The following UBE2G1 variants were observed in gnomAD, a reference collection of about 807,000 sequenced individuals.
UBE2G1 encodes the protein ubiquitin conjugating enzyme E2 G1.
In UBE2G1, 5 loss-of-function variants were observed where a neutral mutation model predicts 22.7. The observed-to-expected ratio is 0.22, with a 90% CI of 0.12 to 0.46. The LOEUF is 0.46. UBE2G1 is among the 20% of genes least tolerant of loss of function. UBE2G1 has a pLI of 0.99. For synonymous variants in UBE2G1, 74 were observed against 67.5 expected, an observed-to-expected ratio of 1.10 and a Z score of -0.47; for missense variants, 88 against 203.9, an observed-to-expected ratio of 0.43 and a Z score of 3.46.
At chr17:4,329,162 G>A (rs566490248) in intron 1 of UBE2G1, among the ~76,000 whole-genome samples, 3 of 148,374 alleles carry the variant, frequency 2.0e-5, no homozygotes, top group Non-Finnish European at 3.0e-5. Flanking sequence ...ACTTTGGAAG[G>A]CCGAGGCAGG....
At chr17:4,304,186 A>G (rs1969222354) in intron 2 of UBE2G1, among the ~76,000 whole-genome samples, 1 of 151,934 alleles carries the variant, frequency 6.6e-6, no homozygotes, top group Non-Finnish European at 1.5e-5. Context: ...TTTTGTAGAG[A>G]CAGGGTTTTG....
intron 5 of UBE2G1, among the ~76,000 whole-genome samples, chr17:4,274,857 A>G (rs944788967): frequency 6.6e-6 from 1 of 151,470 alleles, no homozygotes; most frequent in South Asian, 2.1e-4. Context: ...GTTCGAGACC[A>G]GCCTGGGCAA....
chr17:4,360,640 A>G (rs1431204469), intron 1 of UBE2G1, among the ~76,000 whole-genome samples: 1 of 152,246 alleles, frequency 6.6e-6, no homozygotes, highest in African/African-American at 2.4e-5. Context: ...GGCCCGGCGC[A>G]GTGGCTCACG....
chr17:4,277,738 G>C (rs990813995), intron 5 of UBE2G1, among the ~76,000 whole-genome samples: 1 of 152,128 alleles, frequency 6.6e-6, no homozygotes, highest in Non-Finnish European at 1.5e-5. Flanking sequence ...CATTTTTCAA[G>C]TGTTTATAGT....
At chr17:4,306,886 A>C in intron 2 of UBE2G1, 135 bp downstream of exon 2, 1 of 625,598 alleles carries the variant, frequency 1.6e-6, no homozygotes, top group African/African-American at 1.9e-5. Context: ...TCCTGACCTC[A>C]TGATCGGCCC....
At chr17:4,341,410 T>A (rs1462682921) in intron 1 of UBE2G1, among the ~76,000 whole-genome samples, 1 of 152,194 alleles carries the variant, frequency 6.6e-6, no homozygotes, top group South Asian at 2.1e-4. Context: ...TTGCTCCTAA[T>A]AAGGCTTCCA....
intron 1 of UBE2G1, among the ~76,000 whole-genome samples, chr17:4,327,458 CG>C: frequency 6.6e-6 from 1 of 151,978 alleles, no homozygotes; most frequent in South Asian, 2.1e-4. Flanking sequence ...GGCAACAGAG[CG>C]AGACTGTCAC....
chr17:4,327,459 G>A (rs1046701809), intron 1 of UBE2G1, among the ~76,000 whole-genome samples: 3 of 152,044 alleles, frequency 2.0e-5, no homozygotes, highest in African/African-American at 7.2e-5. Context: ...GCAACAGAGC[G>A]AGACTGTCAC....
At chr17:4,288,523 G>T (rs1429734099) in intron 4 of UBE2G1, among the ~76,000 whole-genome samples, 3 of 152,148 alleles carry the variant, frequency 2.0e-5, no homozygotes, top group Non-Finnish European at 2.9e-5. Flanking sequence ...ACCGTGCCCA[G>T]CCCCGATTCC....
chr17:4,312,710 A>C (rs975518490), intron 1 of UBE2G1, among the ~76,000 whole-genome samples: 2 of 151,806 alleles, frequency 1.3e-5, no homozygotes, highest in Non-Finnish European at 1.5e-5. Flanking sequence ...AAAAAAAAAA[A>C]AAAAACAAAA....
chr17:4,279,094 G>A (rs1968852864), intron 5 of UBE2G1, among the ~76,000 whole-genome samples: 1 of 152,072 alleles, frequency 6.6e-6, no homozygotes. Context: ...GACCAACATG[G>A]TGAAATCCCA....
Position 4,366,600 on chromosome 17 carries a change from C to A in UBE2G1, c.-284G>T, listed in dbSNP as rs975723164. On this transcript the variant is annotated 5_prime_UTR_variant, in exon 1 of 6. Transcript: ENST00000396981. ...GCCCGCTTCCCTCCTTCAACCCGCC[C>A]GTCGGCCCCACCGGTGCCTTCCCCC... is the stretch of plus-strand genomic sequence containing the variant. 3 of 339,646 alleles carry A rather than the reference C, an allele frequency of 8.8e-6. No individual in the cohort carries two copies. Among genetic ancestry groups the A allele is most frequent in the East Asian group, 4.8e-5 (1 of 21,014 alleles). The allele number at this position is 339,646 out of a possible 1,614,324, so 21.0% of individuals were successfully genotyped here.
chr17:4,287,022 G>C (rs975045714), intron 4 of UBE2G1, among the ~76,000 whole-genome samples: 4 of 151,910 alleles, frequency 2.6e-5, no homozygotes, highest in African/African-American at 7.3e-5. Context: ...CTGCACTCCA[G>C]CCTGGGCATC....
intron 1 of UBE2G1, among the ~76,000 whole-genome samples, chr17:4,325,441 T>A (rs768726152): frequency 7.2e-5 from 11 of 152,222 alleles, no homozygotes; most frequent in Non-Finnish European, 1.5e-4. Flanking sequence ...ATCACACATA[T>A]GTACACTATT....
intron 1 of UBE2G1, among the ~76,000 whole-genome samples, chr17:4,341,050 C>CAAAA (rs71383550): frequency 1.2e-5 from 1 of 85,956 alleles, no homozygotes; most frequent in Non-Finnish European, 2.6e-5. Context: ...AGTGTCTTTA[C>CAAAA]AAAAAAAAAA....
intron 2 of UBE2G1, chr17:4,301,391 G>A (rs1969178137): frequency 1.7e-6 from 1 of 592,874 alleles, no homozygotes; most frequent in Non-Finnish European, 3.2e-6. Flanking sequence ...TGGCCCTTCT[G>A]TGGCCTCCAG....
chr17:4,329,448 C>T (rs1292560604), intron 1 of UBE2G1, among the ~76,000 whole-genome samples: 2 of 151,142 alleles, frequency 1.3e-5, no homozygotes, highest in African/African-American at 4.9e-5. Context: ...GTCTCAACTA[C>T]TGGGGAGGCT....
intron 1 of UBE2G1, among the ~76,000 whole-genome samples, chr17:4,334,441 G>C (rs1969621055): frequency 6.6e-6 from 1 of 152,062 alleles, no homozygotes; most frequent in Non-Finnish European, 1.5e-5. Context: ...CACAAGACTT[G>C]ATAAAACCAT....
At chr17:4,301,171 C>CCT (rs1347303826) in intron 2 of UBE2G1, among the ~76,000 whole-genome samples, 23 of 152,098 alleles carry the variant, frequency 1.5e-4, no homozygotes, top group Admixed American at 1.1e-3. Context: ...AATCTATAGT[C>CCT]CTGTTGTAGC....
Sources: gnomAD v4.1 joint callset for allele counts (sites outside exome capture counted in the v4.1 genomes callset) on GRCh38, gnomAD v4.1.1 for gene constraint, MANE v1.5 for transcripts, NCBI Gene and HGNC (gene_info 2026-07-23, HGNC 2026-07-21) for gene names.